Variants in ME1 observed in about 807,000 individuals in gnomAD.
The protein encoded by ME1 is NADP-dependent malic enzyme.
ME1 carries 74 observed loss-of-function variants against 66.4 expected under a neutral mutation model. The ratio of observed to expected loss-of-function variants is 1.11; its 90% CI spans 0.92 to 1.35. The LOEUF (loss-of-function observed/expected upper bound fraction) is 1.35. ME1 is among the 40% of genes most tolerant of loss of function. The probability of loss-of-function intolerance (pLI) is 0.00; values close to 1 mark genes in which losing one functional copy is unlikely to be tolerated. For synonymous variants in ME1, 251 were observed against 235.6 expected, an observed-to-expected ratio of 1.07 and a Z score of -0.60; for missense variants, 750 against 694.1, an observed-to-expected ratio of 1.08 and a Z score of -0.90.
At chr6:83,394,277 A>G (rs1008073702) in intron 3 of ME1, among the ~76,000 whole-genome samples, 3 of 152,142 alleles carry the variant, frequency 2.0e-5, no homozygotes, top group African/African-American at 7.2e-5. Flanking sequence ...GACCTATTGT[A>G]TATTTCAGAA....
At chr6:83,247,589 G>C (rs1365776086) in intron 7 of ME1, among the ~76,000 whole-genome samples, 1 of 151,872 alleles carries the variant, frequency 6.6e-6, no homozygotes, top group Non-Finnish European at 1.5e-5. Context: ...TATTTACATG[G>C]TAAGGCTGTA....
chr6:83,314,982 G>A (rs918468211), intron 6 of ME1, among the ~76,000 whole-genome samples: 6 of 152,058 alleles, frequency 3.9e-5, no homozygotes, highest in African/African-American at 1.4e-4. Context: ...AGTACAGATT[G>A]TCGATAAATG....
chr6:83,355,707 T>G (rs1482733114), intron 3 of ME1, among the ~76,000 whole-genome samples: 1 of 152,124 alleles, frequency 6.6e-6, no homozygotes, highest in Non-Finnish European at 1.5e-5. Context: ...CAAAAGTGTT[T>G]TGGCACAGAA....
chr6:83,237,102 A>ATAG (rs1254825370), intron 9 of ME1, among the ~76,000 whole-genome samples: 1 of 150,992 alleles, frequency 6.6e-6, no homozygotes, highest in African/African-American at 2.4e-5. Context: ...CTAAGGTGGG[A>ATAG]TAGGGATCAC....
At chr6:83,243,757 T>A (rs9689312) in intron 7 of ME1, among the ~76,000 whole-genome samples, 1 of 131,964 alleles carries the variant, frequency 7.6e-6, no homozygotes, top group African/African-American at 3.0e-5. Flanking sequence ...ATATTATATA[T>A]TATATAATTA....
intron 6 of ME1, among the ~76,000 whole-genome samples, chr6:83,265,434 C>T (rs1167334119): frequency 1.3e-5 from 2 of 151,982 alleles, no homozygotes; most frequent in Non-Finnish European, 2.9e-5. Flanking sequence ...GTGGCTGGGA[C>T]CACAGGAGTG....
intron 9 of ME1, among the ~76,000 whole-genome samples, chr6:83,236,047 A>G (rs1297262674): frequency 6.6e-6 from 1 of 152,066 alleles, no homozygotes; most frequent in Non-Finnish European, 1.5e-5. Flanking sequence ...TATTTTAAAT[A>G]AAAAATAATA....
At position 83,423,651 on chromosome 6, in the gene ME1, T is replaced by C. The variant is rs147158775; in HGVS notation, c.78+7226A>G. Reference sequence around the variant, plus strand: ...GTGTTTCTACAAAAAATATGAAAATTAGCCAGGAGTGGTAGCACATGCCTG... The same window carrying C: ...GTGTTTCTACAAAAAATATGAAAATCAGCCAGGAGTGGTAGCACATGCCTG... On this transcript the variant is annotated intron_variant, in intron 1 of 13. Coordinates refer to ENST00000369705, the MANE Select transcript of ME1 (RefSeq NM_002395.6). Among the ~76,000 whole-genome samples, 455 of 151,974 alleles carry C rather than the reference T, an allele frequency of 3.0e-3. 2 individuals are homozygous for C. Among genetic ancestry groups the C allele is most frequent in the Non-Finnish European group, 4.4e-3 (296 of 67,974 alleles).
intron 3 of ME1, among the ~76,000 whole-genome samples, chr6:83,389,437 A>G (rs1257892900): frequency 6.6e-6 from 1 of 152,200 alleles, no homozygotes; most frequent in African/African-American, 2.4e-5. Flanking sequence ...AATTTTACTT[A>G]CAATATAGTT....
intron 4 of ME1, among the ~76,000 whole-genome samples, chr6:83,349,422 C>T (rs1449448457): frequency 6.6e-6 from 1 of 150,996 alleles, no homozygotes. Context: ...AAGACAACTA[C>T]AATTCTATCA....
chr6:83,384,136 A>G lies in ME1; in HGVS notation c.362+14231T>C, dbSNP rs1232426254. 2.0e-5 allele frequency among the ~76,000 whole-genome samples: 3 copies of G among 151,742 alleles called. 1 individual carries two copies. The highest frequency in any genetic ancestry group is 7.3e-5 in the African/African-American group (3 of 41,228). ...TGAATAATGCTACAACGAACATACC[A>G]GTGCATGTGTCTTTTTGGTCGAATG... is the stretch of plus-strand genomic sequence containing the variant. On this transcript the variant is annotated intron_variant, in intron 3 of 13. Transcript: ENST00000369705.
intron 6 of ME1, among the ~76,000 whole-genome samples, chr6:83,286,475 T>C (rs865962586): frequency 2.6e-5 from 4 of 152,184 alleles, no homozygotes; most frequent in Non-Finnish European, 4.4e-5. Flanking sequence ...TCCTGAAGAT[T>C]CAAATCCATG....
At chr6:83,369,403 T>C (rs1769153548) in intron 3 of ME1, among the ~76,000 whole-genome samples, 1 of 152,136 alleles carries the variant, frequency 6.6e-6, no homozygotes. Flanking sequence ...CTCTAGTTTT[T>C]CCAAGTCAAT....
intron 3 of ME1, among the ~76,000 whole-genome samples, chr6:83,369,414 G>GA (rs1252964477): frequency 1.3e-5 from 2 of 152,032 alleles, no homozygotes; most frequent in Non-Finnish European, 2.9e-5. Context: ...CCAAGTCAAT[G>GA]ACCTTATTTT....
At chr6:83,392,864 C>G (rs539768635) in intron 3 of ME1, 3 of 774,514 alleles carry the variant, frequency 3.9e-6, no homozygotes, top group South Asian at 2.7e-5. Context: ...TCAGCAATGC[C>G]TCCTGCACCA....
chr6:83,219,311 T>C (rs1790044745), intron 12 of ME1, among the ~76,000 whole-genome samples: 1 of 152,202 alleles, frequency 6.6e-6, no homozygotes, highest in Non-Finnish European at 1.5e-5. Context: ...TAGAACAAAA[T>C]GAATAGCACA....
intron 3 of ME1, among the ~76,000 whole-genome samples, chr6:83,389,472 C>CA (rs375496643): frequency 1.1e-3 from 169 of 151,142 alleles, no homozygotes; most frequent in African/African-American, 3.8e-3. Context: ...GGTAAAATAC[C>CA]AAAAAAACAG....
At chr6:83,347,309 T>C (rs1768707950) in intron 4 of ME1, among the ~76,000 whole-genome samples, 1 of 152,194 alleles carries the variant, frequency 6.6e-6, no homozygotes, top group Non-Finnish European at 1.5e-5. Flanking sequence ...ACTTTAATCA[T>C]GTGGAGATTT....
At chr6:83,430,208 A>AAAAG (rs1583432221) in intron 1 of ME1, among the ~76,000 whole-genome samples, 1 of 150,322 alleles carries the variant, frequency 6.7e-6, no homozygotes, top group African/African-American at 2.5e-5. Flanking sequence ...AAAACAAAAC[A>AAAAG]AAAGAAAGAA....
Sources: gnomAD v4.1 joint callset for allele counts (sites outside exome capture counted in the v4.1 genomes callset) on GRCh38, gnomAD v4.1.1 for gene constraint, MANE v1.5 for transcripts, NCBI Gene and HGNC (gene_info 2026-07-23, HGNC 2026-07-21) for gene names.